SEPTIN2: variants seen among roughly 807,000 people sequenced by gnomAD.
SEPTIN2 encodes the protein septin 2.
In SEPTIN2, 34 loss-of-function variants were observed where a neutral mutation model predicts 46.5. That is an observed-to-expected ratio of 0.73 (90% CI 0.56 to 0.97). The LOEUF is 0.97. Among genes scored for constraint, SEPTIN2 ranks in the 50% least tolerant of loss-of-function variants. The pLI is 0.00. For missense variants in SEPTIN2, 347 were observed against 448.4 expected (o/e 0.77, Z 2.04); for synonymous variants, 175 against 153.4 (o/e 1.14, Z -1.04).
intron 3 of SEPTIN2, among the ~76,000 whole-genome samples, chr2:241,329,433 A>G (rs1236902789): frequency 6.6e-6 from 1 of 152,226 alleles, no homozygotes; most frequent in Non-Finnish European, 1.5e-5. Flanking sequence ...TCTTCATGAA[A>G]TAGATGAGTA....
At chr2:241,338,863 T>G (rs1441531349) in intron 7 of SEPTIN2, among the ~76,000 whole-genome samples, 8 of 35,212 alleles carry the variant, frequency 2.3e-4, no homozygotes, top group Non-Finnish European at 4.3e-4. Context: ...TATATAAAAA[T>G]ATATATATTT....
chr2:241,335,733 A>G lies in SEPTIN2; in HGVS notation c.218-242A>G, dbSNP rs143877330. 7.3e-5 allele frequency: 42 copies of G among 577,530 alleles called. No individual in the cohort carries two copies. In the East Asian group the frequency reaches 1.1e-3, roughly 16 times the overall value. The allele number at this position is 577,530 out of a possible 1,614,324, so 35.8% of individuals were successfully genotyped here. A position where few individuals can be genotyped will look rare whatever the true frequency, so the allele number is the denominator to read the frequency against. ...ATTCGTAAATTGCTTTCTTTTTCCC[A>G]GGAACAGAAATTATAATTTTTAACA... On this transcript the variant is annotated intron_variant, in intron 4 of 12. Transcript: ENST00000391971.
intron 7 of SEPTIN2, among the ~76,000 whole-genome samples, chr2:241,342,068 G>A (rs2081322159): frequency 6.6e-6 from 1 of 152,168 alleles, no homozygotes; most frequent in Non-Finnish European, 1.5e-5. Flanking sequence ...CCTGTTGAAT[G>A]AAATACAGAT....
intron 1 of SEPTIN2, among the ~76,000 whole-genome samples, chr2:241,321,131 A>G (rs1333507763): frequency 6.6e-6 from 1 of 152,158 alleles, no homozygotes; most frequent in Non-Finnish European, 1.5e-5. Flanking sequence ...TTTTTAAGGT[A>G]TTGATTCAAA....
In SEPTIN2 at chr2:241,350,209, C is replaced by T. The variant is rs1265436833; in HGVS notation, c.*29+6C>T. 2.6e-6 allele frequency: 4 copies of T among 1,516,912 alleles called. No individual in the cohort carries two copies. Among genetic ancestry groups the T allele is most frequent in the Admixed American group, 3.9e-5 (2 of 50,696 alleles). 94.0% of individuals were successfully genotyped at this position (1,516,912 alleles called of 1,614,324 possible). A position where few individuals can be genotyped will look rare whatever the true frequency, so the allele number is the denominator to read the frequency against. On this transcript the variant is annotated splice_donor_region_variant and intron_variant, in intron 12 of 12. Transcript: ENST00000391971. ...CACATATCAAGAAGTCAGAGGTAGG[C>T]CCTGTTGTCCCTTAGCCTGGAAGAC...
chr2:241,337,219 A>G (rs2080173944), intron 5 of SEPTIN2, 163 bp from the exon 6 acceptor site: 5 of 665,570 alleles, frequency 7.5e-6, no homozygotes, highest in East Asian at 2.9e-5. Context: ...ATAGTTTCCA[A>G]AAACTTCCAT....
chr2:241,346,575 C>T (rs2060252562), intron 10 of SEPTIN2: 1 of 160,670 alleles, frequency 6.2e-6, no homozygotes, highest in African/African-American at 2.4e-5. Context: ...TGGTGAAGTC[C>T]CATCTCTACA....
At chr2:241,326,136 C>T (rs759707505) in intron 3 of SEPTIN2, 23 bp downstream of exon 3, 2 of 1,596,426 alleles carry the variant, frequency 1.3e-6, no homozygotes, top group South Asian at 1.1e-5. Context: ...TCTATAGTCT[C>T]CAACTTACTA....
At chr2:241,322,156 G>A (rs1248789452) in intron 1 of SEPTIN2, among the ~76,000 whole-genome samples, 2 of 152,150 alleles carry the variant, frequency 1.3e-5, no homozygotes, top group South Asian at 2.1e-4. Context: ...GAGGGGAATC[G>A]AGAGGCAAAG....
chr2:241,351,067 A>G (rs1227949345), intron 12 of SEPTIN2, among the ~76,000 whole-genome samples: 1 of 152,188 alleles, frequency 6.6e-6, no homozygotes, highest in Non-Finnish European at 1.5e-5. Context: ...AACGCTGGGA[A>G]TTTGGTAGAA....
intron 7 of SEPTIN2, among the ~76,000 whole-genome samples, chr2:241,342,560 A>AGACG (rs1348246754): frequency 2.9e-5 from 1 of 33,922 alleles, no homozygotes; most frequent in East Asian, 7.0e-4. Context: ...TTTTTTTTTG[A>AGACG]GACGGAGTCT....
chr2:241,338,592 T>A (rs13018977), intron 7 of SEPTIN2, among the ~76,000 whole-genome samples: 25,204 of 126,854 alleles, frequency 0.2, 2,740 homozygotes, highest in Middle Eastern at 0.33. Flanking sequence ...TCTAAAAAAA[T>A]ATATATATAT....
intron 1 of SEPTIN2, chr2:241,317,395 C>T (rs187438407): frequency 6.4e-5 from 15 of 235,470 alleles, no homozygotes; most frequent in African/African-American, 1.9e-4. Context: ...GATTTACATT[C>T]TGACTGGCTC....
intron 10 of SEPTIN2, 91 bp downstream of exon 10, chr2:241,346,340 A>G: frequency 1.2e-6 from 1 of 858,740 alleles, no homozygotes; most frequent in Non-Finnish European, 1.8e-6. Context: ...CTTCTTGACC[A>G]TTAAGCAACA....
At chr2:241,345,408 G>A (rs962241250) in intron 9 of SEPTIN2, among the ~76,000 whole-genome samples, 2 of 151,888 alleles carry the variant, frequency 1.3e-5, no homozygotes, top group Non-Finnish European at 2.9e-5. Context: ...TTATTGAGGG[G>A]GGTGTAGAGG....
At chr2:241,334,712 G>A (rs189901930) in intron 3 of SEPTIN2, among the ~76,000 whole-genome samples, 188 of 152,312 alleles carry the variant, frequency 1.2e-3, no homozygotes, top group Non-Finnish European at 1.9e-4. Context: ...TGACACTATG[G>A]GATAGATATG....
At chr2:241,329,018 C>T (rs959965876) in intron 3 of SEPTIN2, among the ~76,000 whole-genome samples, 3 of 152,044 alleles carry the variant, frequency 2.0e-5, no homozygotes, top group African/African-American at 7.2e-5. Context: ...GAAACTCCAT[C>T]TCTCACACAC....
intron 8 of SEPTIN2, among the ~76,000 whole-genome samples, chr2:241,343,491 C>G (rs560419487): frequency 1.0e-3 from 153 of 150,922 alleles, no homozygotes; most frequent in African/African-American, 3.5e-3. Flanking sequence ...GAGCAAGACT[C>G]TGTCTCAAAA....
chr2:241,327,508 C>CAAA (rs573510324), intron 3 of SEPTIN2, among the ~76,000 whole-genome samples: 64 of 125,468 alleles, frequency 5.1e-4, no homozygotes, highest in South Asian at 2.6e-3. Flanking sequence ...GACAGGAAAG[C>CAAA]AAAAAAAAAA....
Sources: gnomAD v4.1 joint callset for allele counts (sites outside exome capture counted in the v4.1 genomes callset) on GRCh38, gnomAD v4.1.1 for gene constraint, MANE v1.5 for transcripts, NCBI Gene and HGNC (gene_info 2026-07-23, HGNC 2026-07-21) for gene names.